Variants in NSL1 observed in about 807,000 individuals in gnomAD.
NSL1 encodes the protein NSL1 component of MIS12 kinetochore complex, also known as kinetochore-associated protein NSL1 homolog.
Under a neutral mutation model 25.4 loss-of-function variants are expected in NSL1, and 11 were observed. That is an observed-to-expected ratio of 0.43 (90% CI 0.27 to 0.72). The LOEUF (loss-of-function observed/expected upper bound fraction) is 0.72. NSL1 is among the 30% of genes least tolerant of loss of function. NSL1 has a pLI of 0.19. For missense variants in NSL1, 330 were observed against 342.7 expected (o/e 0.96, Z 0.29); for synonymous variants, 118 against 120.6 (o/e 0.98, Z 0.14).
Position 212,784,434 on chromosome 1 carries a change from T to C in NSL1, c.373A>G (p.Lys125Glu). 6.3e-7 allele frequency: 1 copy of C among 1,599,356 alleles called. No homozygotes were observed. Among genetic ancestry groups the C allele is most frequent in the Non-Finnish European group, 8.6e-7 (1 of 1,168,918 alleles). The change falls in exon 3 of 6, where the codon AAA becomes GAA. Residue 125 changes from lysine (K) to glutamate (E), a missense_variant. Coordinates refer to ENST00000366977, the MANE Select transcript of NSL1 (RefSeq NM_015471.4). Reference protein sequence around the residue: ...FDEIIVDIATKRKQYPRKILE... With the variant: ...FDEIIVDIATERKQYPRKILE... ...ATCTTTCTGGGATACTGCTTACGTTTTGTGGCTATATCTACTATGATTTCA... is the reference window on the plus strand; with the variant it reads ...ATCTTTCTGGGATACTGCTTACGTTCTGTGGCTATATCTACTATGATTTCA...
chr1:212,746,179 A>G (rs961228805), intron 4 of NSL1, among the ~76,000 whole-genome samples: 3 of 152,196 alleles, frequency 2.0e-5, no homozygotes, highest in African/African-American at 7.2e-5. Flanking sequence ...TTTTCTACAT[A>G]ATTTAAAAGA....
At position 212,784,385 on chromosome 1, in the gene NSL1, A is replaced by G; in HGVS notation, c.422T>C (p.Ile141Thr). The G allele has an allele frequency of 6.3e-7, 1 of 1,579,932 alleles. No homozygotes were observed. The highest frequency in any genetic ancestry group is 1.2e-5 in the South Asian group (1 of 84,708). The change falls in exon 3 of 6, where the codon ATA becomes ACA. Residue 141 changes from isoleucine to threonine, a missense_variant. Transcript: ENST00000366977. ...TACCAGAATTTCTTGTTTTGCTTTTATGGTTTTGATGACACATTCCAGGAT... is the reference window on the plus strand; with the variant it reads ...TACCAGAATTTCTTGTTTTGCTTTTGTGGTTTTGATGACACATTCCAGGAT... Reference protein sequence around the residue: ...RKILECVIKTIKAKQEILKQY... With the variant: ...RKILECVIKTTKAKQEILKQY...
chr1:212,761,027 T>C (rs918488110), intron 4 of NSL1, among the ~76,000 whole-genome samples: 26 of 152,254 alleles, frequency 1.7e-4, no homozygotes, highest in African/African-American at 5.1e-4. Flanking sequence ...GACTATACTA[T>C]TGCACACACC....
Position 212,737,389 on chromosome 1 carries a change from T to C in NSL1, c.*1019A>G. Reference sequence around the variant, plus strand: ...CAACCTCATGATCAGTAAATTCCTTTGAAAAATGAATGAAGGTATCAGAGT... The same window carrying C: ...CAACCTCATGATCAGTAAATTCCTTCGAAAAATGAATGAAGGTATCAGAGT... On this transcript the variant is annotated 3_prime_UTR_variant, in exon 6 of 6. Coordinates refer to ENST00000366977, the MANE Select transcript of NSL1 (RefSeq NM_015471.4). The C allele has an allele frequency of 1.0e-6, 1 of 985,002 alleles. No homozygotes were observed. The highest frequency in any genetic ancestry group is 1.2e-6 in the Non-Finnish European group (1 of 829,542). The allele number at this position is 985,002 out of a possible 1,614,324, so 61.0% of individuals were successfully genotyped here. A position where few individuals can be genotyped will look rare whatever the true frequency, so the allele number is the denominator to read the frequency against.
intron 4 of NSL1, among the ~76,000 whole-genome samples, chr1:212,766,029 C>T (rs557075617): frequency 8.2e-4 from 122 of 148,450 alleles, no homozygotes; most frequent in African/African-American, 2.5e-3. Context: ...CCAGCTCTTC[C>T]GGAGGCTGAG....
chr1:212,779,804 G>A (rs1386969991), intron 4 of NSL1, among the ~76,000 whole-genome samples: 110 of 102,014 alleles, frequency 1.1e-3, no homozygotes, highest in African/African-American at 1.4e-3. Flanking sequence ...CCCCCGCCCG[G>A]CCAGCCGCCC....
chr1:212,735,641 C>T lies in NSL1; in HGVS notation c.*2767G>A, dbSNP rs185670821. 1.1e-4 allele frequency: 65 copies of T among 578,626 alleles called. No homozygotes were observed. The highest frequency in any genetic ancestry group is 1.3e-4 in the Non-Finnish European group (60 of 458,564). 35.8% of individuals were successfully genotyped at this position (578,626 alleles called of 1,614,324 possible). A position where few individuals can be genotyped will look rare whatever the true frequency, so the allele number is the denominator to read the frequency against. ...CTATAGCTGTATTTGGAGATGGGGC[C>T]TCTAAGGAAATAATTAAGGTTAAAT... On this transcript the variant is annotated 3_prime_UTR_variant, in exon 6 of 6. Transcript: ENST00000366977.
At chr1:212,766,688 T>C (rs1659839428) in intron 4 of NSL1, among the ~76,000 whole-genome samples, 1 of 149,068 alleles carries the variant, frequency 6.7e-6, no homozygotes, top group Non-Finnish European at 1.5e-5. Flanking sequence ...TGAAGACTCA[T>C]CCAAAAAGCT....
At chr1:212,739,993 C>A (rs1253439430) in intron 4 of NSL1, among the ~76,000 whole-genome samples, 1 of 152,184 alleles carries the variant, frequency 6.6e-6, no homozygotes, top group Non-Finnish European at 1.5e-5. Context: ...TACAATCACA[C>A]TGCACTGAGA....
In NSL1 at chr1:212,770,623, A is replaced by T. The variant is rs1269187575; in HGVS notation, c.499+11749T>A. On this transcript the variant is annotated intron_variant, in intron 4 of 5. Coordinates refer to ENST00000366977, the MANE Select transcript of NSL1 (RefSeq NM_015471.4). Reference sequence around the variant, plus strand: ...CTAAATTCTACCAAACTTATAAAGAAGAATTAACATCAATTCTTTTCAAAC... The same window carrying T: ...CTAAATTCTACCAAACTTATAAAGATGAATTAACATCAATTCTTTTCAAAC... Among the ~76,000 whole-genome samples the T allele has an allele frequency of 2.0e-5, 3 of 152,242 alleles. No individual in the cohort carries two copies. The East Asian group carries it at 5.8e-4, about 29-fold the overall frequency.
In NSL1 at chr1:212,736,963, C is replaced by T; in HGVS notation, c.*1445G>A. On this transcript the variant is annotated 3_prime_UTR_variant, in exon 6 of 6. Coordinates refer to ENST00000366977, the MANE Select transcript of NSL1 (RefSeq NM_015471.4). ...AACAATAACTCTTTTGTTTGGGGAC[C>T]TCTGAAGTGAAACAAATCATACAGA... 1.0e-6 allele frequency: 1 copy of T among 984,374 alleles called. No homozygotes were observed. Among genetic ancestry groups the T allele is most frequent in the East Asian group, 1.1e-4 (1 of 8,812 alleles). 61.0% of individuals were successfully genotyped at this position (984,374 alleles called of 1,614,324 possible). A position where few individuals can be genotyped will look rare whatever the true frequency, so the allele number is the denominator to read the frequency against.
In NSL1 at chr1:212,737,744, T is replaced by G. The variant is rs1571861483; in HGVS notation, c.*664A>C. 3.0e-6 allele frequency: 3 copies of G among 984,350 alleles called. No individual in the cohort carries two copies. Among genetic ancestry groups the G allele is most frequent in the Admixed American group, 6.1e-5 (1 of 16,276 alleles). 61.0% of individuals were successfully genotyped at this position (984,350 alleles called of 1,614,324 possible). On this transcript the variant is annotated 3_prime_UTR_variant, in exon 6 of 6. Transcript: ENST00000366977. ...AATGGTCTATAGAAAAAAGTGAGTG[T>G]GGGCAGGAAACATTGGCTACATGCC...
intron 3 of NSL1, 152 bp downstream of exon 3, chr1:212,784,210 GA>G (rs1660846417): frequency 2.1e-6 from 1 of 486,878 alleles, no homozygotes; most frequent in African/African-American, 1.9e-5. Flanking sequence ...GTACAACTTA[GA>G]AGAGTAAAGT....
rs57899487 is a variant in NSL1 at position 212,771,611 on chromosome 1, C to CAAAAA, written c.499+10756_499+10760dup. On this transcript the variant is annotated intron_variant, in intron 4 of 5. Transcript: ENST00000366977. Reference sequence around the variant, plus strand: ...ATAGAGAAAAACCTAAAGACTCCACCAAAAAAAAAAAAAAAAAAAAACCTT... The same window carrying CAAAAA: ...ATAGAGAAAAACCTAAAGACTCCACCAAAAAAAAAAAAAAAAAAAAAAAAAACCTT... Among the ~76,000 whole-genome samples the CAAAAA allele has an allele frequency of 2.2e-3, 142 of 63,814 alleles. 1 individual carries two copies. The highest frequency in any genetic ancestry group is 5.8e-3 in the African/African-American group (123 of 21,378). 41.9% of individuals were successfully genotyped at this position (63,814 alleles called of 152,430 possible).
At chr1:212,752,504 T>C (rs79833572) in intron 4 of NSL1, among the ~76,000 whole-genome samples, 3,461 of 152,222 alleles carry the variant, frequency 0.023, 61 homozygotes, top group South Asian at 0.041. Context: ...TTGCCATCGC[T>C]ACATGTTTAG....
chr1:212,748,033 T>G (rs61829227), intron 4 of NSL1, among the ~76,000 whole-genome samples: 60,675 of 151,586 alleles, frequency 0.4, 13,702 homozygotes, highest in Non-Finnish European at 0.5. Context: ...CCCAAAGTGC[T>G]GGGATTACAG....
chr1:212,741,775 A>G (rs1156428481), intron 4 of NSL1, among the ~76,000 whole-genome samples: 1 of 152,210 alleles, frequency 6.6e-6, no homozygotes, highest in Non-Finnish European at 1.5e-5. Context: ...GTAGGTACTT[A>G]TAATAAGTAA....
At chr1:212,755,777 GTAA>G (rs61147422) in intron 4 of NSL1, among the ~76,000 whole-genome samples, 3,728 of 151,732 alleles carry the variant, frequency 0.025, 129 homozygotes, top group African/African-American at 0.082. Context: ...ATATCTATAT[GTAA>G]TTATTAAAAA....
intron 4 of NSL1, among the ~76,000 whole-genome samples, chr1:212,754,782 A>C (rs1397426621): frequency 1.3e-5 from 2 of 151,200 alleles, no homozygotes; most frequent in African/African-American, 2.4e-5. Flanking sequence ...AAAAAAAAAA[A>C]AAACCAACTC....
Sources: gnomAD v4.1 joint callset for allele counts (sites outside exome capture counted in the v4.1 genomes callset) on GRCh38, gnomAD v4.1.1 for gene constraint, MANE v1.5 for transcripts, NCBI Gene and HGNC (gene_info 2026-07-23, HGNC 2026-07-21) for gene names.